SLC35F3: variants seen among roughly 807,000 people sequenced by gnomAD.
SLC35F3 encodes putative thiamine transporter SLC35F3.
In SLC35F3, 25 loss-of-function variants were observed where a neutral mutation model predicts 49.9. The observed-to-expected ratio is 0.50, with a 90% CI of 0.37 to 0.70. The LOEUF is 0.70. SLC35F3 is among the 30% of genes least tolerant of loss of function. The pLI, the probability that SLC35F3 is intolerant of heterozygous loss-of-function variation, is 0.00. For missense variants in SLC35F3, 525 were observed against 639.8 expected, an observed-to-expected ratio of 0.82 and a Z score of 1.94; for synonymous variants, 275 against 265.4, an observed-to-expected ratio of 1.04 and a Z score of -0.35.
chr1:234,232,080 G>A (rs1667388026), intron 3 of SLC35F3, among the ~76,000 whole-genome samples: 2 of 152,150 alleles, frequency 1.3e-5, no homozygotes, highest in African/African-American at 4.8e-5. Context: ...AGCAAGCTTG[G>A]GGTGAGGACC....
At chr1:234,048,879 C>G (rs1664332873) in intron 2 of SLC35F3, among the ~76,000 whole-genome samples, 1 of 152,200 alleles carries the variant, frequency 6.6e-6, no homozygotes, top group Non-Finnish European at 1.5e-5. Context: ...TGGGACCAAT[C>G]ATCCCTCCCT....
Position 234,009,745 on chromosome 1 carries a change from TA to T in SLC35F3, c.283+103996del, listed in dbSNP as rs563242562. Among the ~76,000 whole-genome samples the T allele has an allele frequency of 4.9e-3, 738 of 151,820 alleles. 2 individuals are homozygous for T. Among genetic ancestry groups the T allele is most frequent in the Middle Eastern group, 0.037 (11 of 294 alleles). Reference sequence around the variant, plus strand: ...GCAGTCTACAAAAACTGTGATGCTTTAAAAAAAAATCAGTCTTTATCACCTA... The same window carrying T: ...GCAGTCTACAAAAACTGTGATGCTTTAAAAAAAATCAGTCTTTATCACCTA... On this transcript the variant is annotated intron_variant, in intron 2 of 7. Coordinates refer to ENST00000366618, the MANE Select transcript of SLC35F3 (RefSeq NM_173508.4).
intron 2 of SLC35F3, among the ~76,000 whole-genome samples, chr1:233,936,553 CTTT>C (rs2102796530): frequency 6.6e-6 from 1 of 151,642 alleles, no homozygotes; most frequent in Non-Finnish European, 1.5e-5. Flanking sequence ...TCCTCCTCCT[CTTT>C]CTTCTTCTTC....
intron 2 of SLC35F3, among the ~76,000 whole-genome samples, chr1:234,121,133 CTTT>C (rs66702949): frequency 1.9e-5 from 2 of 102,790 alleles, no homozygotes; most frequent in Non-Finnish European, 1.9e-5. Context: ...TGAAAAATTA[CTTT>C]TTTTTTTTTT....
chr1:234,268,462 A>AGGGAGAGGGAGAGGGAGG (rs935142276), intron 3 of SLC35F3: 8 of 151,310 alleles, frequency 5.3e-5, no homozygotes, highest in Non-Finnish European at 1.2e-4. Flanking sequence ...CCGTGGAGAG[A>AGGGAGAGGGAGAGGGAGG]GGGAGAGGGA....
At chr1:234,123,478 T>A (rs929439155) in intron 2 of SLC35F3, among the ~76,000 whole-genome samples, 4 of 152,198 alleles carry the variant, frequency 2.6e-5, no homozygotes, top group African/African-American at 9.7e-5. Flanking sequence ...GGTGTAATCA[T>A]AGCTCACTGC....
At chr1:233,998,322 T>C (rs10797517) in intron 2 of SLC35F3, among the ~76,000 whole-genome samples, 18,305 of 151,988 alleles carry the variant, frequency 0.12, 1,723 homozygotes, top group East Asian at 0.41. Flanking sequence ...GCAAATATGA[T>C]AGCATCTAAT....
intron 4 of SLC35F3, among the ~76,000 whole-genome samples, chr1:234,313,543 G>A (rs1472029156): frequency 2.0e-5 from 3 of 152,152 alleles, no homozygotes; most frequent in Admixed American, 6.5e-5. Context: ...TACCCATCTC[G>A]GTCTTGGGCC....
At chr1:234,277,376 G>A (rs1668228893) in intron 3 of SLC35F3, among the ~76,000 whole-genome samples, 2 of 152,188 alleles carry the variant, frequency 1.3e-5, no homozygotes, top group South Asian at 2.1e-4. Context: ...GGAAGCTTTG[G>A]AAGAGAGGCA....
chr1:234,123,434 C>A (rs1007197708), intron 2 of SLC35F3, among the ~76,000 whole-genome samples: 3 of 152,094 alleles, frequency 2.0e-5, no homozygotes, highest in Non-Finnish European at 2.9e-5. Flanking sequence ...TTTTGAGACA[C>A]AATCTTACTC....
intron 2 of SLC35F3, among the ~76,000 whole-genome samples, chr1:234,093,149 C>G (rs1665067848): frequency 6.6e-6 from 1 of 152,166 alleles, no homozygotes; most frequent in South Asian, 2.1e-4. Flanking sequence ...TATATCAGCT[C>G]TGGTAAACAA....
intron 2 of SLC35F3, among the ~76,000 whole-genome samples, chr1:234,100,754 A>G (rs1399135894): frequency 6.6e-6 from 1 of 152,352 alleles, no homozygotes. Flanking sequence ...GAACTCAAAC[A>G]TGGCCTCCCC....
intron 2 of SLC35F3, among the ~76,000 whole-genome samples, chr1:234,217,774 C>G (rs912175535): frequency 3.3e-5 from 5 of 151,946 alleles, no homozygotes; most frequent in African/African-American, 1.2e-4. Flanking sequence ...AACAAAAGGG[C>G]CTTTTTGAGG....
chr1:234,320,000 C>A, intron 6 of SLC35F3, 98 bp from the exon 7 acceptor site: 1 of 795,908 alleles, frequency 1.3e-6, no homozygotes, highest in East Asian at 2.5e-5. Context: ...TCCTATGACT[C>A]CAGCCTCATC....
intron 3 of SLC35F3, among the ~76,000 whole-genome samples, chr1:234,258,932 T>C (rs761566690): frequency 6.6e-6 from 1 of 152,270 alleles, no homozygotes. Context: ...ACACTTGGAA[T>C]AGTATGTCCT....
intron 2 of SLC35F3, among the ~76,000 whole-genome samples, chr1:234,192,596 C>T (rs1666747410): frequency 6.6e-6 from 1 of 152,042 alleles, no homozygotes. Context: ...CTAGCTAGAG[C>T]AATCAGACAA....
rs1224835202 is a variant in SLC35F3 at position 233,957,773 on chromosome 1, T to C, written c.283+52015T>C. ...GAGGTTGCATTGAGCCGAGACTGCA[T>C]GATTGCACTCCACCTAGGGCGACAA... On this transcript the variant is annotated intron_variant, in intron 2 of 7. Coordinates refer to ENST00000366618, the MANE Select transcript of SLC35F3 (RefSeq NM_173508.4). The surrounding 1 kb of genome is among the most constrained non-coding windows in gnomAD (Gnocchi z 4.0). Among the ~76,000 whole-genome samples, 1 of 152,050 alleles carries C rather than the reference T, an allele frequency of 6.6e-6. No homozygotes were observed. Among genetic ancestry groups the C allele is most frequent in the Admixed American group, 6.5e-5 (1 of 15,268 alleles).
intron 2 of SLC35F3, among the ~76,000 whole-genome samples, chr1:233,977,323 A>T (rs1467434036): frequency 6.6e-6 from 1 of 152,222 alleles, no homozygotes; most frequent in Non-Finnish European, 1.5e-5. Flanking sequence ...CCATATGCTT[A>T]TGGGATTACA....
chr1:234,164,267 C>T (rs1666277538), intron 2 of SLC35F3, among the ~76,000 whole-genome samples: 1 of 151,282 alleles, frequency 6.6e-6, no homozygotes, highest in African/African-American at 2.4e-5. Flanking sequence ...CATCTCCCTC[C>T]CTTACTCCCT....
Sources: gnomAD v4.1 joint callset for allele counts (sites outside exome capture counted in the v4.1 genomes callset) on GRCh38, gnomAD v4.1.1 for gene constraint, Gnocchi (gnomAD v3.1) non-coding constraint, MANE v1.5 for transcripts, NCBI Gene and HGNC (gene_info 2026-07-23, HGNC 2026-07-21) for gene names.